Variants in KDM4B observed in about 807,000 individuals in gnomAD.
KDM4B encodes the protein lysine demethylase 4B.
In KDM4B, 32 loss-of-function variants were observed where a neutral mutation model predicts 125.2. The ratio of observed to expected loss-of-function variants is 0.26; its 90% CI spans 0.19 to 0.34. KDM4B has a LOEUF of 0.34. KDM4B is among the 10% of genes least tolerant of loss of function. The probability of loss-of-function intolerance (pLI) is 1.00; values close to 1 mark genes in which losing one functional copy is unlikely to be tolerated. For synonymous variants in KDM4B, 721 were observed against 677.9 expected (o/e 1.06, Z -0.99); for missense variants, 1,190 against 1,577.7 (o/e 0.75, Z 4.16).
At chr19:4,989,586 C>T (rs2034966469) in intron 1 of KDM4B, among the ~76,000 whole-genome samples, 4 of 151,680 alleles carry the variant, frequency 2.6e-5, no homozygotes, top group African/African-American at 9.7e-5. Context: ...GGTGATCCGC[C>T]TGCCTCAGCC....
At chr19:5,147,793 G>C (rs193180024) in intron 21 of KDM4B, among the ~76,000 whole-genome samples, 1 of 152,102 alleles carries the variant, frequency 6.6e-6, no homozygotes, top group Non-Finnish European at 1.5e-5. Flanking sequence ...GGGGCGGGGG[G>C]GCAGAGGCTG....
At chr19:5,031,353 C>T (rs2036449566) in intron 2 of KDM4B, among the ~76,000 whole-genome samples, 1 of 152,260 alleles carries the variant, frequency 6.6e-6, no homozygotes, top group African/African-American at 2.4e-5. Context: ...TTGACACACA[C>T]TGTGACCGTC....
At chr19:5,039,372 G>C (rs572809961) in intron 3 of KDM4B, among the ~76,000 whole-genome samples, 2 of 152,102 alleles carry the variant, frequency 1.3e-5, no homozygotes, top group Non-Finnish European at 2.9e-5. Context: ...GGAGGATCAC[G>C]TGAGTCCAGG....
intron 2 of KDM4B, among the ~76,000 whole-genome samples, chr19:5,027,504 C>G (rs1599447068): frequency 1.3e-5 from 2 of 151,938 alleles, no homozygotes; most frequent in South Asian, 4.1e-4. Context: ...TTTCTTCTTT[C>G]CATCATTCTT....
chr19:5,008,639 G>A (rs1165813441), intron 1 of KDM4B, among the ~76,000 whole-genome samples: 1 of 144,812 alleles, frequency 6.9e-6, no homozygotes, highest in Non-Finnish European at 1.5e-5. Context: ...CACCCAGACT[G>A]GAGTGCAGTG....
At chr19:4,996,477 C>T (rs1467869372) in intron 1 of KDM4B, among the ~76,000 whole-genome samples, 5 of 151,916 alleles carry the variant, frequency 3.3e-5, no homozygotes, top group East Asian at 1.9e-4. Context: ...TGGGCTCAAG[C>T]GATCTCTTGC....
Position 5,110,605 on chromosome 19 carries a change from C to T in KDM4B, c.919-17C>T, listed in dbSNP as rs373455318. 7.1e-5 allele frequency: 115 copies of T among 1,612,408 alleles called. No homozygotes were observed. The highest frequency in any genetic ancestry group is 1.3e-4 in the South Asian group (12 of 91,018). ...CCAGGTGTGGCGCGAGGGCTCAGAC[C>T]GTGTCCCCTGCCGCAGTGCACGTGC... On this transcript the variant is annotated splice_polypyrimidine_tract_variant and intron_variant, in intron 9 of 22. Coordinates refer to ENST00000159111, the MANE Select transcript of KDM4B (RefSeq NM_015015.3).
At chr19:5,056,252 C>T (rs760675270) in intron 6 of KDM4B, among the ~76,000 whole-genome samples, 3 of 152,178 alleles carry the variant, frequency 2.0e-5, no homozygotes, top group South Asian at 4.1e-4. Flanking sequence ...GGGTCAAAGG[C>T]GCAGCCATCA....
At chr19:5,047,928 G>A (rs1382417225) in intron 6 of KDM4B, among the ~76,000 whole-genome samples, 1 of 152,204 alleles carries the variant, frequency 6.6e-6, no homozygotes, top group Non-Finnish European at 1.5e-5. Context: ...CCATTGAGCT[G>A]TGAGCGGCCC....
intron 1 of KDM4B, among the ~76,000 whole-genome samples, chr19:4,993,172 G>A (rs553889286): frequency 2.6e-5 from 4 of 152,302 alleles, no homozygotes; most frequent in African/African-American, 7.2e-5. Flanking sequence ...CACTTTGGGA[G>A]GCCGAGGTGA....
At chr19:5,040,488 CAG>C (rs2036775192) in intron 4 of KDM4B, among the ~76,000 whole-genome samples, 1 of 152,126 alleles carries the variant, frequency 6.6e-6, no homozygotes, top group Admixed American at 6.5e-5. Flanking sequence ...CGTTTCTACA[CAG>C]GGACACACAG....
At position 5,035,893 on chromosome 19, in the gene KDM4B, G is replaced by GCT; in HGVS notation, c.141+2863_141+2864insTC. ...TGTGTGTGTGTGTGCGCGCGCGCGC[G>GCT]CGCCTGCGCGCACAGGAGACTGAGG... On this transcript the variant is annotated intron_variant, in intron 3 of 22. Transcript: ENST00000159111. The surrounding 1 kb of genome is among the most constrained non-coding windows in gnomAD (Gnocchi z 5.3). Among the ~76,000 whole-genome samples, 1 of 141,240 alleles carries GCT rather than the reference G, an allele frequency of 7.1e-6. No homozygotes were observed. Among genetic ancestry groups the GCT allele is most frequent in the South Asian group, 2.3e-4 (1 of 4,300 alleles). 92.7% of individuals were successfully genotyped at this position (141,240 alleles called of 152,430 possible). A position where few individuals can be genotyped will look rare whatever the true frequency, so the allele number is the denominator to read the frequency against.
At position 5,035,880 on chromosome 19, in the gene KDM4B, T is replaced by TGTGTGTGTGTGTGTGTGC. The variant is rs58219404; in HGVS notation, c.141+2850_141+2851insTGTGTGTGTGTGTGTGCG. The stretch of plus-strand genomic sequence containing the variant: ...ACGTGTCTCTGTGTGTGTGTGTGTG[T>TGTGTGTGTGTGTGTGTGC]GCGCGCGCGCGCGCGCCTGCGCGCA... On this transcript the variant is annotated intron_variant, in intron 3 of 22. Coordinates refer to ENST00000159111, the MANE Select transcript of KDM4B (RefSeq NM_015015.3). The surrounding 1 kb of genome is among the most constrained non-coding windows in gnomAD (Gnocchi z 5.3). Among the ~76,000 whole-genome samples the TGTGTGTGTGTGTGTGTGC allele has an allele frequency of 4.4e-4, 60 of 136,502 alleles. No individual in the cohort carries two copies. Among genetic ancestry groups the TGTGTGTGTGTGTGTGTGC allele is most frequent in the Admixed American group, 1.1e-3 (15 of 14,238 alleles). 89.6% of individuals were successfully genotyped at this position (136,502 alleles called of 152,430 possible). A position where few individuals can be genotyped will look rare whatever the true frequency, so the allele number is the denominator to read the frequency against.
intron 22 of KDM4B, among the ~76,000 whole-genome samples, 198 bp downstream of exon 22, chr19:5,150,648 GGTGCCGCAGCTCCT>G: frequency 6.6e-6 from 1 of 152,304 alleles, no homozygotes; most frequent in East Asian, 1.9e-4. Flanking sequence ...CTTGACTCCT[GGTGCCGCAGCTCCT>G]GGGCGATGCC....
chr19:5,129,907 T>A (rs946331070), intron 11 of KDM4B, among the ~76,000 whole-genome samples: 2 of 152,100 alleles, frequency 1.3e-5, no homozygotes, highest in African/African-American at 4.8e-5. Flanking sequence ...TTACCCTGAG[T>A]GCGGCGGCCC....
intron 5 of KDM4B, among the ~76,000 whole-genome samples, chr19:5,042,104 T>C (rs571650837): frequency 1.3e-5 from 2 of 152,334 alleles, no homozygotes; most frequent in Admixed American, 1.3e-4. Flanking sequence ...GACCAGAGTA[T>C]TTCGAATTTG....
chr19:5,118,058 G>A (rs1599222727), intron 10 of KDM4B, among the ~76,000 whole-genome samples: 2 of 152,300 alleles, frequency 1.3e-5, no homozygotes, highest in Admixed American at 1.3e-4. Flanking sequence ...CAAGTGTCCC[G>A]AGGGAGCATG....
At chr19:5,070,946 C>T in intron 6 of KDM4B, 64 bp from the exon 7 acceptor site, 1 of 1,568,770 alleles carries the variant, frequency 6.4e-7, no homozygotes, top group Non-Finnish European at 8.8e-7. Flanking sequence ...CTGGTCCCAC[C>T]AGGGACACCC....
intron 10 of KDM4B, among the ~76,000 whole-genome samples, chr19:5,117,962 G>C (rs1363303634): frequency 1.3e-5 from 2 of 152,218 alleles, no homozygotes; most frequent in Admixed American, 6.5e-5. Context: ...TTCTAGGAAG[G>C]CTTCCTGGAG....
Sources: gnomAD v4.1 joint callset for allele counts (sites outside exome capture counted in the v4.1 genomes callset) on GRCh38, gnomAD v4.1.1 for gene constraint, Gnocchi (gnomAD v3.1) non-coding constraint, MANE v1.5 for transcripts, NCBI Gene and HGNC (gene_info 2026-07-23, HGNC 2026-07-21) for gene names.